The following FHIT variants were observed in gnomAD, a reference collection of about 807,000 sequenced individuals.
The protein encoded by FHIT is fragile histidine triad diadenosine triphosphatase.
In FHIT, 19 loss-of-function variants were observed where a neutral mutation model predicts 17.9. That is an observed-to-expected ratio of 1.06 (90% confidence interval 0.74 to 1.56). The LOEUF is 1.56. Among genes scored for constraint, FHIT ranks in the 40% most tolerant of loss-of-function variants. FHIT has a pLI of 0.00. For missense variants in FHIT, 248 were observed against 189.2 expected (o/e 1.31, Z -1.82); for synonymous variants, 81 against 69.7 (o/e 1.16, Z -0.81).
chr3:59,920,580 G>C (rs1044450699), intron 8 of FHIT, among the ~76,000 whole-genome samples: 3 of 152,090 alleles, frequency 2.0e-5, no homozygotes, highest in African/African-American at 7.2e-5. Flanking sequence ...TTGGAACATC[G>C]ACAAGATTTC....
intron 5 of FHIT, among the ~76,000 whole-genome samples, chr3:60,244,379 C>A (rs1705286007): frequency 1.3e-5 from 2 of 151,820 alleles, no homozygotes; most frequent in South Asian, 4.2e-4. Flanking sequence ...AAATAATTTC[C>A]CAGGATCTAT....
intron 3 of FHIT, among the ~76,000 whole-genome samples, chr3:60,955,621 T>TACATATATATATATAA (rs1464249784): frequency 6.6e-5 from 1 of 15,214 alleles, no homozygotes; most frequent in South Asian, 5.2e-3. Flanking sequence ...TATATATATA[T>TACATATATATATATAA]ATATATATAT....
chr3:60,188,107 C>A (rs1258197639), intron 5 of FHIT, among the ~76,000 whole-genome samples: 1 of 151,884 alleles, frequency 6.6e-6, no homozygotes, highest in East Asian at 1.9e-4. Context: ...ACCATCTACA[C>A]CTTTTGTCAG....
At chr3:59,817,082 C>T (rs926989076) in intron 8 of FHIT, among the ~76,000 whole-genome samples, 2 of 152,104 alleles carry the variant, frequency 1.3e-5, no homozygotes, top group Non-Finnish European at 2.9e-5. Context: ...TCCGCAGACC[C>T]CAGCGTCTTC....
chr3:60,617,745 GA>G (rs781825841), intron 4 of FHIT: 61 of 153,892 alleles, frequency 4.0e-4, no homozygotes, highest in African/African-American at 1.1e-3. Flanking sequence ...CAGATGTGGG[GA>G]AAAAAAGTTA....
chr3:61,094,074 A>G (rs939131341), intron 2 of FHIT, among the ~76,000 whole-genome samples: 2 of 152,126 alleles, frequency 1.3e-5, no homozygotes, highest in Non-Finnish European at 2.9e-5. Flanking sequence ...CTGAAATTAA[A>G]AAGAAAAAAT....
At chr3:60,316,090 A>T (rs1031498196) in intron 5 of FHIT, among the ~76,000 whole-genome samples, 1 of 152,208 alleles carries the variant, frequency 6.6e-6, no homozygotes, top group African/African-American at 2.4e-5. Flanking sequence ...TATCAGGCAA[A>T]GTCAACCTCT....
chr3:60,308,662 G>A (rs1002359779), intron 5 of FHIT, among the ~76,000 whole-genome samples: 1 of 151,926 alleles, frequency 6.6e-6, no homozygotes, highest in Non-Finnish European at 1.5e-5. Context: ...TCTGCCAACT[G>A]TCTGAACACA....
intron 5 of FHIT, among the ~76,000 whole-genome samples, chr3:60,375,081 G>A (rs1212029076): frequency 7.0e-6 from 1 of 143,774 alleles, no homozygotes; most frequent in Non-Finnish European, 1.5e-5. Flanking sequence ...TGCTCTTCAA[G>A]AATCATTCCT....
intron 5 of FHIT, among the ~76,000 whole-genome samples, chr3:60,187,302 A>G (rs1304385816): frequency 6.6e-6 from 1 of 152,204 alleles, no homozygotes; most frequent in Non-Finnish European, 1.5e-5. Context: ...GAGAAAAAAG[A>G]CAAATGAAGT....
chr3:60,710,604 C>A (rs572385335), intron 4 of FHIT, among the ~76,000 whole-genome samples: 1 of 152,186 alleles, frequency 6.6e-6, no homozygotes, highest in Non-Finnish European at 1.5e-5. Context: ...TAGGAAATGG[C>A]GCACCAGGAG....
At chr3:60,586,540 A>G (rs60367207) in intron 4 of FHIT, among the ~76,000 whole-genome samples, 6,500 of 152,138 alleles carry the variant, frequency 0.043, 455 homozygotes, top group African/African-American at 0.15. Flanking sequence ...ACACATGCAC[A>G]AGTATGTTCA....
chr3:60,570,901 G>A (rs1232231322), intron 4 of FHIT, among the ~76,000 whole-genome samples: 1 of 151,870 alleles, frequency 6.6e-6, no homozygotes, highest in East Asian at 1.9e-4. Context: ...AACACTTAGG[G>A]GCCATTGTAG....
intron 5 of FHIT, among the ~76,000 whole-genome samples, chr3:60,159,403 G>C (rs1700842223): frequency 6.6e-6 from 1 of 152,142 alleles, no homozygotes; most frequent in African/African-American, 2.4e-5. Flanking sequence ...TTATAGGTGT[G>C]GGCCATAATG....
At chr3:60,833,856 A>C (rs1295250633) in intron 3 of FHIT, among the ~76,000 whole-genome samples, 1 of 152,172 alleles carries the variant, frequency 6.6e-6, no homozygotes, top group Non-Finnish European at 1.5e-5. Context: ...TAATTTTTTC[A>C]TTTGAAAAAT....
intron 8 of FHIT, among the ~76,000 whole-genome samples, chr3:59,761,332 C>T (rs1478486320): frequency 1.3e-5 from 2 of 152,170 alleles, no homozygotes; most frequent in African/African-American, 2.4e-5. Context: ...CATCCATCTT[C>T]GTATCCTCTC....
chr3:61,091,350 T>A (rs1183783930), intron 2 of FHIT, among the ~76,000 whole-genome samples: 4 of 152,190 alleles, frequency 2.6e-5, no homozygotes, highest in African/African-American at 4.8e-5. Context: ...CTTATTAATC[T>A]AAGAAGGCAA....
chr3:60,392,110 T>G (rs1005656189), intron 5 of FHIT, among the ~76,000 whole-genome samples: 1 of 152,178 alleles, frequency 6.6e-6, no homozygotes, highest in East Asian at 1.9e-4. Flanking sequence ...TTTCAAACTT[T>G]TCTTCCATCA....
At chr3:60,237,808 T>A (rs1704885707) in intron 5 of FHIT, among the ~76,000 whole-genome samples, 1 of 152,148 alleles carries the variant, frequency 6.6e-6, no homozygotes, top group African/African-American at 2.4e-5. Flanking sequence ...TGAATTTTTC[T>A]GGGAGAAGCA....
Sources: allele counts gnomAD v4.1 joint callset (sites outside exome capture counted in the v4.1 genomes callset), GRCh38; gene constraint gnomAD v4.1.1; transcripts MANE v1.5; gene names NCBI Gene and HGNC (gene_info 2026-07-23, HGNC 2026-07-21).